Variants in ZFP82 observed in about 807,000 individuals in gnomAD.
The protein encoded by ZFP82 is ZFP82 zinc finger protein.
In ZFP82, 30 loss-of-function variants were observed where a neutral mutation model predicts 54.0. The ratio of observed to expected loss-of-function variants is 0.56; its 90% CI spans 0.42 to 0.75. The LOEUF (loss-of-function observed/expected upper bound fraction) is 0.75, where lower values mean the gene tolerates loss of function less well. ZFP82 is among the 30% of genes least tolerant of loss of function. The pLI is 0.00. For missense variants in ZFP82, 500 were observed against 636.8 expected (o/e 0.79, Z 2.31); for synonymous variants, 194 against 209.5 (o/e 0.93, Z 0.64).
Position 36,393,932 on chromosome 19 carries a change from T to A in ZFP82, c.408A>T (p.Gly136=). ...ATGGCATTTTCACACTACTGAAGTA[T>A]CCTTCTTGAGGTCTCTCCTGTCCTT... The part of the protein sequence containing the change: ...KIEGQERPQE[G]YFSSVKMPSE... Residue 136 remains glycine, a synonymous_variant, in exon 5 of 5, where the codon GGA becomes GGT. Coordinates refer to ENST00000392161, the MANE Select transcript of ZFP82 (RefSeq NM_133466.4). 1 of 1,614,188 alleles carries A rather than the reference T, an allele frequency of 6.2e-7. No individual in the cohort carries two copies. The highest frequency in any genetic ancestry group is 8.5e-7 in the Non-Finnish European group (1 of 1,180,024).
In ZFP82 at chr19:36,392,488, G is replaced by A. The variant is rs1336328546; in HGVS notation, c.*253C>T. 3.0e-5 allele frequency: 12 copies of A among 397,664 alleles called. No homozygotes were observed. Among genetic ancestry groups the A allele is most frequent in the African/African-American group, 4.1e-5 (2 of 48,712 alleles). The allele number at this position is 397,664 out of a possible 1,614,324, so 24.6% of individuals were successfully genotyped here. The stretch of plus-strand genomic sequence containing the variant: ...AAATTATAGCACAGAGCAGTTAAGC[G>A]TCTTGTCCAGTATGACACAAAGTGA... On this transcript the variant is annotated 3_prime_UTR_variant, in exon 5 of 5. Coordinates refer to ENST00000392161, the MANE Select transcript of ZFP82 (RefSeq NM_133466.4).
At chr19:36,405,119 G>A (rs974570477) in intron 4 of ZFP82, among the ~76,000 whole-genome samples, 6 of 150,466 alleles carry the variant, frequency 4.0e-5, no homozygotes, top group African/African-American at 1.5e-4. Context: ...AGGAGGCAGA[G>A]GTTGCAGTGA....
downstream of ZFP82, chr19:36,384,309 A>G (rs190812988): frequency 2.0e-4 from 30 of 152,326 alleles, 1 homozygote; most frequent in Admixed American, 1.2e-3. Context: ...GAAAAGTATC[A>G]TTCAAAAAAA....
In ZFP82 at chr19:36,393,846, A is replaced by C; in HGVS notation, c.494T>G (p.Phe165Cys). The stretch of plus-strand genomic sequence containing the variant: ...CTTACATTCATAGGGTTTATCAACA[A>C]AATGAAGTCTCTGATGTGGAGTAAC... ...TSVTPHQRLH[F>C]VDKPYECKEC... The change falls in exon 5 of 5, where the codon TTT becomes TGT. Residue 165 changes from phenylalanine (F) to cysteine (C), a missense_variant. Phe to Cys is a radical substitution (Grantham distance 205, BLOSUM62 -2). Transcript: ENST00000392161. 1 of 1,614,206 alleles carries C rather than the reference A, an allele frequency of 6.2e-7. No individual in the cohort carries two copies.
intron 4 of ZFP82, 109 bp downstream of exon 4, chr19:36,405,471 G>A: frequency 1.4e-6 from 1 of 721,988 alleles, no homozygotes. Flanking sequence ...TCCTCCTTGG[G>A]CCACAGACCT....
At position 36,409,867 on chromosome 19, in the gene ZFP82, T is replaced by C; in HGVS notation, c.-78A>G. On this transcript the variant is annotated splice_region_variant and 5_prime_UTR_variant, in exon 2 of 5. Coordinates refer to ENST00000392161, the MANE Select transcript of ZFP82 (RefSeq NM_133466.4). ...GAAGCACCGAGTCCACAGAGGCTGATCTAGGGAGAGGAAAACAAGGCCATG... is the reference window on the plus strand; with the variant it reads ...GAAGCACCGAGTCCACAGAGGCTGACCTAGGGAGAGGAAAACAAGGCCATG... The C allele has an allele frequency of 6.5e-7, 1 of 1,527,968 alleles. No homozygotes were observed. The highest frequency in any genetic ancestry group is 9.0e-7 in the Non-Finnish European group (1 of 1,106,246). 94.7% of individuals were successfully genotyped at this position (1,527,968 alleles called of 1,614,324 possible).
Position 36,393,301 on chromosome 19 carries a change from A to G in ZFP82, c.1039T>C (p.Phe347Leu). 6.2e-7 allele frequency: 1 copy of G among 1,614,062 alleles called. No individual in the cohort carries two copies. Among genetic ancestry groups the G allele is most frequent in the Non-Finnish European group, 8.5e-7 (1 of 1,180,024 alleles). Residue 347 changes from phenylalanine (F) to leucine (L), a missense_variant, in exon 5 of 5, where the codon TTT (phenylalanine) becomes CTT (leucine). Transcript: ENST00000392161. ...AGTGTTAGTTGTTGTCGCACTCTAA[A>G]GGCCTTCCCGCATTCCTTACATTCA... Reference protein sequence around the residue: ...PYECKECGKAFRVRQQLTLHQ... With the variant: ...PYECKECGKALRVRQQLTLHQ...
downstream of ZFP82, among the ~76,000 whole-genome samples, chr19:36,386,127 G>C (rs895984079): frequency 6.6e-6 from 1 of 152,200 alleles, no homozygotes. Context: ...CGCTCTTTGA[G>C]GCTGCCCCTT....
chr19:36,413,348 T>C (rs1600111369), intron 1 of ZFP82, among the ~76,000 whole-genome samples: 1 of 151,970 alleles, frequency 6.6e-6, no homozygotes, highest in Admixed American at 6.6e-5. Context: ...GAGGCGGAGG[T>C]TGCAGTGAGC....
rs897941173 is a variant in ZFP82, at chr19:36,393,428, A to G, written c.912T>C (p.Asn304=). The G allele has an allele frequency of 6.2e-7, 1 of 1,614,116 alleles. No homozygotes were observed. The highest frequency in any genetic ancestry group is 8.5e-7 in the Non-Finnish European group (1 of 1,180,020). ...TGCATTCATAGAGCCTGTCAGCACT[A>G]TTAAGCTTCTGATGCCGAGTCAGGT... ...YAHLTRHQKL[N]SADRLYECKE... The change falls in exon 5 of 5, where the codon AAT becomes AAC. Residue 304 remains asparagine (N), a synonymous_variant. Transcript: ENST00000392161.
chr19:36,408,047 G>C (rs972559901), intron 2 of ZFP82, 34 bp from the exon 3 acceptor site: 1 of 1,602,246 alleles, frequency 6.2e-7, no homozygotes, highest in Non-Finnish European at 8.5e-7. Context: ...TAAATGAAAT[G>C]GAAGAAAATG....
Position 36,409,800 on chromosome 19 carries a change from T to G in ZFP82, c.-11A>C. 1 of 1,613,604 alleles carries G rather than the reference T, an allele frequency of 6.2e-7. No individual in the cohort carries two copies. Among genetic ancestry groups the G allele is most frequent in the South Asian group, 1.1e-5 (1 of 91,054 alleles). On this transcript the variant is annotated 5_prime_UTR_variant, in exon 2 of 5. Transcript: ENST00000392161. ...ACTTACAAGGGCCATGGTATAGAAA[T>G]TCAAGAACTGGTCAGTCCTCCTTGG...
Position 36,390,331 on chromosome 19 carries a change from C to CCTT in ZFP82, c.*2409_*2410insAAG, listed in dbSNP as rs2032174679. 7.7e-6 allele frequency: 1 copy of CCTT among 130,684 alleles called. No homozygotes were observed. Among genetic ancestry groups the CCTT allele is most frequent in the African/African-American group, 3.0e-5 (1 of 33,774 alleles). The allele number at this position is 130,684 out of a possible 1,614,324, so 8.1% of individuals were successfully genotyped here. A position where few individuals can be genotyped will look rare whatever the true frequency, so the allele number is the denominator to read the frequency against. On this transcript the variant is annotated 3_prime_UTR_variant, in exon 5 of 5. Coordinates refer to ENST00000392161, the MANE Select transcript of ZFP82 (RefSeq NM_133466.4). ...TTAAAGTGTAGGATTCCATTTTTGT[C>CCTT]TTTTTTTTTTTTTTTTTTGACATGT... is the stretch of plus-strand genomic sequence containing the variant.
rs373296227 is a variant in ZFP82 at position 36,390,329 on chromosome 19, G to GCCTTTTTTTTTTTTTTTTTTT, written c.*2411_*2412insAAAAAAAAAAAAAAAAAAAGG. 8.3e-6 allele frequency: 1 copy of GCCTTTTTTTTTTTTTTTTTTT among 120,376 alleles called. No individual in the cohort carries two copies. 7.5% of individuals were successfully genotyped at this position (120,376 alleles called of 1,614,324 possible). On this transcript the variant is annotated 3_prime_UTR_variant, in exon 5 of 5. Coordinates refer to ENST00000392161, the MANE Select transcript of ZFP82 (RefSeq NM_133466.4). ...CTTTAAAGTGTAGGATTCCATTTTT[G>GCCTTTTTTTTTTTTTTTTTTT]TCTTTTTTTTTTTTTTTTTTGACAT...
rs539972891 is a variant in ZFP82, at chr19:36,414,649, AC to A, written c.-79+3842del. Among the ~76,000 whole-genome samples the A allele has an allele frequency of 1.1e-4, 16 of 152,088 alleles. No individual in the cohort carries two copies. In the East Asian group the frequency reaches 3.1e-3, roughly 29 times the overall value. On this transcript the variant is annotated intron_variant, in intron 1 of 4. Transcript: ENST00000392161. ...AGTCTTGGGATTATAGAGATGAGCC[AC>A]CGCACCTGGCCTATGTAATTCTTCT...
chr19:36,385,793 T>C (rs538004875), downstream of ZFP82, among the ~76,000 whole-genome samples: 6 of 152,344 alleles, frequency 3.9e-5, no homozygotes, highest in African/African-American at 1.4e-4. Flanking sequence ...TGGGCTTTAT[T>C]GGAAGGCAGA....
At chr19:36,415,334 G>A (rs1322164943) in intron 1 of ZFP82, among the ~76,000 whole-genome samples, 1 of 152,170 alleles carries the variant, frequency 6.6e-6, no homozygotes, top group Non-Finnish European at 1.5e-5. Flanking sequence ...GGTGGTAGGG[G>A]ATGGAGAAAA....
intron 4 of ZFP82, among the ~76,000 whole-genome samples, chr19:36,398,487 A>C (rs1372349423): frequency 6.6e-6 from 1 of 151,958 alleles, no homozygotes; most frequent in Non-Finnish European, 1.5e-5. Context: ...CAATGAGCCA[A>C]GATCACGCCA....
At chr19:36,407,251 T>G (rs1452354198) in intron 3 of ZFP82, among the ~76,000 whole-genome samples, 6 of 151,384 alleles carry the variant, frequency 4.0e-5, no homozygotes, top group Non-Finnish European at 7.4e-5. Context: ...TAATTTTTTG[T>G]ATTTTTAGTA....
Sources: gnomAD v4.1 joint callset for allele counts (sites outside exome capture counted in the v4.1 genomes callset) on GRCh38, gnomAD v4.1.1 for gene constraint, MANE v1.5 for transcripts, NCBI Gene and HGNC (gene_info 2026-07-23, HGNC 2026-07-21) for gene names.